Variants in FBXO39 observed in about 807,000 individuals in gnomAD.
The protein encoded by FBXO39 is F-box protein 39, also known as F-box only protein 39.
In FBXO39, 22 loss-of-function variants were observed where a neutral mutation model predicts 36.6. The ratio of observed to expected loss-of-function variants is 0.60; its 90% CI spans 0.43 to 0.86. The LOEUF is 0.86. FBXO39 is among the 40% of genes least tolerant of loss of function. FBXO39 has a pLI of 0.00. For missense variants in FBXO39, 536 were observed against 543.9 expected, an observed-to-expected ratio of 0.99 and a Z score of 0.14; for synonymous variants, 206 against 205.8, an observed-to-expected ratio of 1.00 and a Z score of -0.01.
In FBXO39 at chr17:6,779,896, C is replaced by T. The variant is rs4796555; in HGVS notation, c.28C>T (p.Pro10Ser). 0.23 allele frequency: 375,061 copies of T among 1,613,884 alleles called. 48,374 individuals are homozygous for T. The highest frequency in any genetic ancestry group is 0.63 in the East Asian group (28,464 of 44,870). The change falls in exon 2 of 4, where the codon CCC becomes TCC. Residue 10 changes from proline to serine, a missense_variant. Pro to Ser is a moderately conservative substitution (Grantham distance 74). Transcript: ENST00000321535. ...GGACGAAGAAAGTGAACTGATCCAG[C>T]CCCAAGACCAGAGCTGCTGGGCCTT... The part of the protein sequence containing the change: MDEESELIQ[P>S]QDQSCWAFLP...
In FBXO39 at chr17:6,786,976, G is replaced by T; in HGVS notation, c.1200+20G>T. On this transcript the variant is annotated intron_variant, in intron 3 of 3. Transcript: ENST00000321535. ...TTCAAGGTAAGAGGTCCCCAGGCTG[G>T]TTCCACGGCGTAGAGTGGGGGCATC... 2 of 1,602,302 alleles carry T rather than the reference G, an allele frequency of 1.2e-6. No homozygotes were observed. Among genetic ancestry groups the T allele is most frequent in the Non-Finnish European group, 1.7e-6 (2 of 1,174,182 alleles).
intron 2 of FBXO39, among the ~76,000 whole-genome samples, chr17:6,781,503 T>C (rs1323355670): frequency 6.6e-6 from 1 of 152,146 alleles, no homozygotes; most frequent in Admixed American, 6.5e-5. Context: ...TATTAACAGG[T>C]TTATGTATCT....
At chr17:6,781,785 A>G (rs1976511485) in intron 2 of FBXO39, among the ~76,000 whole-genome samples, 1 of 152,172 alleles carries the variant, frequency 6.6e-6, no homozygotes, top group Admixed American at 6.5e-5. Flanking sequence ...CTACATGTCC[A>G]ATGTCCCTTA....
intron 2 of FBXO39, among the ~76,000 whole-genome samples, chr17:6,784,134 C>T (rs1157354284): frequency 1.3e-5 from 2 of 151,904 alleles, no homozygotes; most frequent in African/African-American, 4.8e-5. Context: ...AGTGTGACAC[C>T]TCATAACAAC....
chr17:6,787,439 A>G lies in FBXO39; in HGVS notation c.*11A>G, dbSNP rs770123182. On this transcript the variant is annotated 3_prime_UTR_variant, in exon 4 of 4. Transcript: ENST00000321535. The stretch of plus-strand genomic sequence containing the variant: ...TACTCTGTGATGTAATGAGCACTCT[A>G]CAGATGAAGAAAGCTGGGAGCACTT... 23 of 1,613,330 alleles carry G rather than the reference A, an allele frequency of 1.4e-5. No individual in the cohort carries two copies. Among genetic ancestry groups the G allele is most frequent in the East Asian group, 2.2e-5 (1 of 44,890 alleles).
intron 2 of FBXO39, among the ~76,000 whole-genome samples, chr17:6,782,346 C>G (rs1976518403): frequency 6.6e-6 from 1 of 151,970 alleles, no homozygotes; most frequent in Non-Finnish European, 1.5e-5. Flanking sequence ...AAAAGGAACA[C>G]AGGAAGGAAG....
At position 6,779,885 on chromosome 17, in the gene FBXO39, A is replaced by C. The variant is rs146724926; in HGVS notation, c.17A>C (p.Glu6Ala). 7 of 1,614,056 alleles carry C rather than the reference A, an allele frequency of 4.3e-6. No individual in the cohort carries two copies. The highest frequency in any genetic ancestry group is 5.1e-6 in the Non-Finnish European group (6 of 1,180,030). MDEES[E>A]LIQPQDQSCW... ...AGTTCCTGGATGGACGAAGAAAGTG[A>C]ACTGATCCAGCCCCAAGACCAGAGC... The change falls in exon 2 of 4, where the codon GAA becomes GCA. Residue 6 changes from glutamate (E) to alanine (A), a missense_variant. Transcript: ENST00000321535.
chr17:6,787,488 A>G lies in FBXO39; in HGVS notation c.*60A>G, dbSNP rs1396276146. The G allele has an allele frequency of 6.2e-6, 10 of 1,600,320 alleles. No homozygotes were observed. The highest frequency in any genetic ancestry group is 8.5e-6 in the Non-Finnish European group (10 of 1,171,872). ...TTTGAACTTGAAAATCATTTCTCTT[A>G]GAACTACACTTGGGCACTGCCGGCC... On this transcript the variant is annotated 3_prime_UTR_variant, in exon 4 of 4. Coordinates refer to ENST00000321535, the MANE Select transcript of FBXO39 (RefSeq NM_153230.3).
Position 6,786,904 on chromosome 17 carries a change from A to G in FBXO39, c.1148A>G (p.Glu383Gly). ...IWAFLDVSFV[E>G]RILKSQKERQ... ...GCTTTCCTTGATGTTAGTTTTGTGG[A>G]GCGGATCCTGAAGAGTCAGAAAGAA... is the stretch of plus-strand genomic sequence containing the variant. The change falls in exon 3 of 4, where the codon GAG becomes GGG. Residue 383 changes from glutamate to glycine, a missense_variant. By Grantham distance (98) the Glu-to-Gly change is moderately conservative. Transcript: ENST00000321535. 3 of 1,614,044 alleles carry G rather than the reference A, an allele frequency of 1.9e-6. 1 individual carries two copies. Among genetic ancestry groups the G allele is most frequent in the South Asian group, 2.2e-5 (2 of 91,064 alleles).
intron 1 of FBXO39, among the ~76,000 whole-genome samples, chr17:6,779,309 T>C (rs1453945185): frequency 6.6e-6 from 1 of 152,186 alleles, no homozygotes; most frequent in Non-Finnish European, 1.5e-5. Context: ...CAAACCATTT[T>C]TAGCTCCCTG....
chr17:6,777,158 G>A (rs1367463637), intron 1 of FBXO39, among the ~76,000 whole-genome samples: 1 of 151,914 alleles, frequency 6.6e-6, no homozygotes, highest in Non-Finnish European at 1.5e-5. Flanking sequence ...TTGTTACATA[G>A]GTATACATGT....
chr17:6,784,601 A>G (rs1976543988), intron 2 of FBXO39, among the ~76,000 whole-genome samples: 1 of 152,118 alleles, frequency 6.6e-6, no homozygotes, highest in South Asian at 2.1e-4. Flanking sequence ...AAAAATCAGT[A>G]GCATTTCTAT....
Position 6,787,532 on chromosome 17 carries a change from C to A in FBXO39, c.*104C>A. Reference sequence around the variant, plus strand: ...GCCGGCCCTTTTGCTCCTCTCTCTCCCCTCCACTTTTTTTTTTTGTCAGCT... The same window carrying A: ...GCCGGCCCTTTTGCTCCTCTCTCTCACCTCCACTTTTTTTTTTTGTCAGCT... On this transcript the variant is annotated 3_prime_UTR_variant, in exon 4 of 4. Transcript: ENST00000321535. The A allele has an allele frequency of 7.1e-7, 1 of 1,405,714 alleles. No homozygotes were observed. The highest frequency in any genetic ancestry group is 9.6e-7 in the Non-Finnish European group (1 of 1,041,888). The allele number at this position is 1,405,714 out of a possible 1,614,324, so 87.1% of individuals were successfully genotyped here. A position where few individuals can be genotyped will look rare whatever the true frequency, so the allele number is the denominator to read the frequency against.
chr17:6,787,574 A>G lies in FBXO39; in HGVS notation c.*146A>G. 2 of 876,974 alleles carry G rather than the reference A, an allele frequency of 2.3e-6. No homozygotes were observed. Among genetic ancestry groups the G allele is most frequent in the Non-Finnish European group, 3.4e-6 (2 of 585,822 alleles). 54.3% of individuals were successfully genotyped at this position (876,974 alleles called of 1,614,324 possible). ...TTGTCAGCTCCATGACAACATGACC[A>G]GCTCAGCAAAGGCTGAGACTGCCCA... On this transcript the variant is annotated 3_prime_UTR_variant, in exon 4 of 4. Transcript: ENST00000321535.
In FBXO39 at chr17:6,787,530, T is replaced by A; in HGVS notation, c.*102T>A. On this transcript the variant is annotated 3_prime_UTR_variant, in exon 4 of 4. Coordinates refer to ENST00000321535, the MANE Select transcript of FBXO39 (RefSeq NM_153230.3). ...CTGCCGGCCCTTTTGCTCCTCTCTCTCCCCTCCACTTTTTTTTTTTGTCAG... is the reference window on the plus strand; with the variant it reads ...CTGCCGGCCCTTTTGCTCCTCTCTCACCCCTCCACTTTTTTTTTTTGTCAG... The A allele has an allele frequency of 1.5e-6, 2 of 1,369,714 alleles. No homozygotes were observed. The allele number at this position is 1,369,714 out of a possible 1,614,324, so 84.8% of individuals were successfully genotyped here.
chr17:6,777,093 C>T (rs6502981), intron 1 of FBXO39, among the ~76,000 whole-genome samples: 80,689 of 151,812 alleles, frequency 0.53, 23,428 homozygotes, highest in African/African-American at 0.78. Flanking sequence ...CTTTTATTTA[C>T]TTATTTATTT....
At position 6,787,426 on chromosome 17, in the gene FBXO39, T is replaced by C. The variant is rs1371680927; in HGVS notation, c.1327T>C (p.Ter443GlnextTer1). The C allele has an allele frequency of 1.2e-6, 2 of 1,613,892 alleles. No individual in the cohort carries two copies. The highest frequency in any genetic ancestry group is 2.2e-5 in the South Asian group (2 of 91,070). Residue 443 changes from the stop codon to glutamine, a stop_lost, in exon 4 of 4, where the codon TAA (stop) becomes CAA (glutamine). Coordinates refer to ENST00000321535, the MANE Select transcript of FBXO39 (RefSeq NM_153230.3). ...SYFVIVYSVM[*>Q] ...TTTTGTCATCGTTTACTCTGTGATG[T>C]AATGAGCACTCTACAGATGAAGAAA...
chr17:6,786,958 TAAG>T lies in FBXO39; in HGVS notation c.1200+4_1200+6del, dbSNP rs1163194825. Reference sequence around the variant, plus strand: ...CAGTGTGCCCTGCGTGTATTCAAGGTAAGAGGTCCCCAGGCTGGTTCCACGGCG... The same window carrying T: ...CAGTGTGCCCTGCGTGTATTCAAGGTAGGTCCCCAGGCTGGTTCCACGGCG... On this transcript the variant is annotated splice_donor_5th_base_variant and intron_variant, in intron 3 of 3. Coordinates refer to ENST00000321535, the MANE Select transcript of FBXO39 (RefSeq NM_153230.3). 1.9e-6 allele frequency: 3 copies of T among 1,610,882 alleles called. No homozygotes were observed. Among genetic ancestry groups the T allele is most frequent in the Non-Finnish European group, 2.5e-6 (3 of 1,178,396 alleles).
Position 6,780,077 on chromosome 17 carries a change from T to A in FBXO39, c.209T>A (p.Val70Glu). The A allele has an allele frequency of 1.9e-6, 3 of 1,614,162 alleles. No individual in the cohort carries two copies. Among genetic ancestry groups the A allele is most frequent in the Non-Finnish European group, 2.5e-6 (3 of 1,180,040 alleles). ...TITFSGRPSR[V>E]HASEVESAVW... ...ACCTTCAGCGGGAGACCTTCCAGGG[T>A]ACATGCATCTGAAGTTGAGTCAGCT... The change falls in exon 2 of 4, where the codon GTA becomes GAA. Residue 70 changes from valine (V) to glutamate (E), a missense_variant. Coordinates refer to ENST00000321535, the MANE Select transcript of FBXO39 (RefSeq NM_153230.3).
Sources: gnomAD v4.1 joint callset for allele counts (sites outside exome capture counted in the v4.1 genomes callset) on GRCh38, gnomAD v4.1.1 for gene constraint, MANE v1.5 for transcripts, NCBI Gene and HGNC (gene_info 2026-07-23, HGNC 2026-07-21) for gene names.